MEOX2: variants seen among roughly 807,000 people sequenced by gnomAD.
The protein encoded by MEOX2 is homeobox protein MOX-2.
Under a neutral mutation model 27.0 loss-of-function variants are expected in MEOX2, and 11 were observed. The observed-to-expected ratio is 0.41, with a 90% confidence interval of 0.26 to 0.68. The LOEUF (loss-of-function observed/expected upper bound fraction) is 0.68. Among genes scored for constraint, MEOX2 ranks in the 30% least tolerant of loss-of-function variants. MEOX2 has a pLI of 0.33. For synonymous variants in MEOX2, 189 were observed against 155.4 expected, an observed-to-expected ratio of 1.22 and a Z score of -1.61; for missense variants, 436 against 385.4, an observed-to-expected ratio of 1.13 and a Z score of -1.10.
chr7:15,621,900 C>T (rs1226806862), intron 2 of MEOX2, among the ~76,000 whole-genome samples: 1 of 152,088 alleles, frequency 6.6e-6, no homozygotes, highest in African/African-American at 2.4e-5. Flanking sequence ...TGGTGGATCA[C>T]GAGGTCAGGA....
chr7:15,622,713 A>G (rs1167372338), intron 2 of MEOX2, among the ~76,000 whole-genome samples: 1 of 152,178 alleles, frequency 6.6e-6, no homozygotes, highest in Non-Finnish European at 1.5e-5. Context: ...TTATGAGATT[A>G]ATATAAAATC....
intron 2 of MEOX2, among the ~76,000 whole-genome samples, chr7:15,625,147 A>G (rs1406311677): frequency 1.3e-5 from 2 of 152,194 alleles, no homozygotes; most frequent in South Asian, 2.1e-4. Flanking sequence ...TTCATCTACT[A>G]TATAAAACAC....
chr7:15,665,151 T>C (rs1781980789), intron 1 of MEOX2, among the ~76,000 whole-genome samples: 1 of 151,922 alleles, frequency 6.6e-6, no homozygotes, highest in Admixed American at 6.6e-5. Context: ...AAGACAATGT[T>C]ACACATTTTG....
chr7:15,676,435 T>C (rs183402825), intron 1 of MEOX2, among the ~76,000 whole-genome samples: 1 of 152,304 alleles, frequency 6.6e-6, no homozygotes, highest in East Asian at 1.9e-4. Context: ...GTTTCTAACA[T>C]AGCAGGAAAA....
At chr7:15,685,520 C>T (rs1782364966) in intron 1 of MEOX2, among the ~76,000 whole-genome samples, 1 of 152,348 alleles carries the variant, frequency 6.6e-6, no homozygotes, top group Admixed American at 6.5e-5. Flanking sequence ...CCCGCACGCA[C>T]GCCTGCCCAA....
At chr7:15,623,492 C>G (rs1221802572) in intron 2 of MEOX2, among the ~76,000 whole-genome samples, 1 of 152,146 alleles carries the variant, frequency 6.6e-6, no homozygotes, top group Non-Finnish European at 1.5e-5. Context: ...GCCTCAGCCT[C>G]CCATGTACCT....
chr7:15,682,199 A>AT (rs1256961822), intron 1 of MEOX2, among the ~76,000 whole-genome samples: 2 of 151,792 alleles, frequency 1.3e-5, no homozygotes, highest in Non-Finnish European at 3.0e-5. Flanking sequence ...CCAGTATATT[A>AT]TTTTTTAAAT....
chr7:15,631,905 A>AGTGTGTGTGTGTGTGTGTGTGT (rs1781408602), intron 1 of MEOX2, among the ~76,000 whole-genome samples: 1 of 20,854 alleles, frequency 4.8e-5, no homozygotes, highest in South Asian at 7.9e-4. Flanking sequence ...GCCAAGGTTA[A>AGTGTGTGTGTGTGTGTGTGTGT]ATGTGTGTGT....
At chr7:15,677,226 CA>C (rs1782209521) in intron 1 of MEOX2, among the ~76,000 whole-genome samples, 1 of 152,156 alleles carries the variant, frequency 6.6e-6, no homozygotes, top group South Asian at 2.1e-4. Context: ...ATATGCATTA[CA>C]TAATTGTACA....
chr7:15,656,164 C>T (rs1476611563), intron 1 of MEOX2, among the ~76,000 whole-genome samples: 2 of 151,584 alleles, frequency 1.3e-5, no homozygotes. Flanking sequence ...ATACCCACTC[C>T]TTCCTTCTTT....
chr7:15,650,773 T>A (rs946231307), intron 1 of MEOX2, among the ~76,000 whole-genome samples: 3 of 152,048 alleles, frequency 2.0e-5, no homozygotes, highest in East Asian at 1.9e-4. Context: ...AAAAAGTCAA[T>A]GCAATGAAAG....
intron 1 of MEOX2, among the ~76,000 whole-genome samples, chr7:15,646,499 T>G (rs899614132): frequency 6.6e-6 from 1 of 152,058 alleles, no homozygotes; most frequent in East Asian, 1.9e-4. Flanking sequence ...TGACAAAGTA[T>G]AGTCAGTAAA....
At chr7:15,673,435 A>C (rs1306563032) in intron 1 of MEOX2, among the ~76,000 whole-genome samples, 2 of 152,124 alleles carry the variant, frequency 1.3e-5, no homozygotes, top group African/African-American at 4.8e-5. Context: ...TAAATCTGGC[A>C]GGCGTCATAG....
intron 1 of MEOX2, among the ~76,000 whole-genome samples, chr7:15,678,111 A>G (rs935422070): frequency 1.3e-5 from 2 of 152,298 alleles, no homozygotes; most frequent in African/African-American, 4.8e-5. Flanking sequence ...TCATTTTAAT[A>G]TGTCTCAATC....
At chr7:15,668,301 A>T (rs1481782504) in intron 1 of MEOX2, 1 of 152,174 alleles carries the variant, frequency 6.6e-6, no homozygotes. Context: ...TGAATAGTAA[A>T]TATATTTTCT....
Position 15,627,826 on chromosome 7 carries a change from CGT to C in MEOX2, c.518-910_518-909del, listed in dbSNP as rs1459164572. 5.1e-3 allele frequency among the ~76,000 whole-genome samples: 770 copies of C among 151,644 alleles called. 11 individuals carry two copies. Among genetic ancestry groups the C allele is most frequent in the African/African-American group, 0.017 (724 of 41,380 alleles). ...AATAGTAAACACACACACACACACA[CGT>C]CAAGTAAAAAGTAATCATACCCAGC... On this transcript the variant is annotated intron_variant, in intron 1 of 2. Transcript: ENST00000262041.
At chr7:15,631,933 G>GTGTGTGTGTGT (rs66500166) in intron 1 of MEOX2, among the ~76,000 whole-genome samples, 151 of 32,468 alleles carry the variant, frequency 4.7e-3, no homozygotes, top group African/African-American at 7.7e-3. Context: ...TGTGTGTGTG[G>GTGTGTGTGTGT]AGAGAAAGAG....
At chr7:15,657,951 C>T (rs570322353) in intron 1 of MEOX2, among the ~76,000 whole-genome samples, 1 of 152,214 alleles carries the variant, frequency 6.6e-6, no homozygotes, top group Non-Finnish European at 1.5e-5. Flanking sequence ...CACTGAGCCT[C>T]AGTTTACATC....
At chr7:15,615,008 A>G (rs1200757109) in intron 2 of MEOX2, among the ~76,000 whole-genome samples, 1 of 152,116 alleles carries the variant, frequency 6.6e-6, no homozygotes, top group Non-Finnish European at 1.5e-5. Context: ...TATTGCCCAA[A>G]CATGTATTAA....
Sources: allele counts gnomAD v4.1 joint callset (sites outside exome capture counted in the v4.1 genomes callset), GRCh38; gene constraint gnomAD v4.1.1; transcripts MANE v1.5; gene names NCBI Gene and HGNC (gene_info 2026-07-23, HGNC 2026-07-21).